CFAP44: variants seen among roughly 807,000 people sequenced by gnomAD.
The protein encoded by CFAP44 is cilia and flagella associated protein 44.
In CFAP44, 134 loss-of-function variants were observed where a neutral mutation model predicts 216.2. That is an observed-to-expected ratio of 0.62 (90% CI 0.54 to 0.72). The LOEUF (loss-of-function observed/expected upper bound fraction) is 0.72, where lower values mean the gene tolerates loss of function less well. Ranked by LOEUF, CFAP44 falls within the 30% of genes least tolerant of loss-of-function variation. CFAP44 has a pLI of 0.00. For synonymous variants in CFAP44, 700 were observed against 727.6 expected, an observed-to-expected ratio of 0.96 and a Z score of 0.61; for missense variants, 2,035 against 2,182.1, an observed-to-expected ratio of 0.93 and a Z score of 1.34.
At chr3:113,363,045 A>C in intron 21 of CFAP44, 100 bp downstream of exon 21, 1 of 1,404,460 alleles carries the variant, frequency 7.1e-7, no homozygotes, top group Non-Finnish European at 9.3e-7. Flanking sequence ...CAAACAAAAA[A>C]GAAAGATGAT....
In CFAP44 at chr3:113,326,486, T is replaced by C. The variant is rs1950190778; in HGVS notation, c.4475A>G (p.Lys1492Arg). ...TTCTTTTTTCTTTACCCGTTTAATC[T>C]TCTTCTTTAGGACCTTCATGAGGAA... is the stretch of plus-strand genomic sequence containing the variant. ...ANFLMKVLKK[K>R]IKRVKKKEVE... The change falls in exon 28 of 35, where the codon AAG becomes AGG. Residue 1492 changes from lysine to arginine, a missense_variant. Lys to Arg is a conservative substitution (Grantham distance 26). Transcript: ENST00000393845. The C allele has an allele frequency of 6.6e-7, 1 of 1,521,360 alleles. No homozygotes were observed. The highest frequency in any genetic ancestry group is 8.8e-7 in the Non-Finnish European group (1 of 1,142,304). 94.2% of individuals were successfully genotyped at this position (1,521,360 alleles called of 1,614,324 possible). A position where few individuals can be genotyped will look rare whatever the true frequency, so the allele number is the denominator to read the frequency against.
At chr3:113,326,871 A>G (rs1950193535) in intron 27 of CFAP44, among the ~76,000 whole-genome samples, 1 of 152,142 alleles carries the variant, frequency 6.6e-6, no homozygotes, top group African/African-American at 2.4e-5. Context: ...TTTTAGTGCT[A>G]AGCATCCCCC....
chr3:113,439,365 A>G (rs1448689184), intron 1 of CFAP44, among the ~76,000 whole-genome samples: 2 of 152,156 alleles, frequency 1.3e-5, no homozygotes, highest in Non-Finnish European at 2.9e-5. Context: ...CTTGCACAAA[A>G]GCCATCACAA....
At chr3:113,357,123 C>T (rs903128356) in intron 22 of CFAP44, among the ~76,000 whole-genome samples, 1 of 152,088 alleles carries the variant, frequency 6.6e-6, no homozygotes, top group Non-Finnish European at 1.5e-5. Context: ...TGAAAAGGGA[C>T]TGAAAATCAC....
intron 28 of CFAP44, among the ~76,000 whole-genome samples, chr3:113,323,983 G>T (rs1277829247): frequency 6.7e-6 from 1 of 149,056 alleles, no homozygotes; most frequent in Non-Finnish European, 1.5e-5. Flanking sequence ...GGTGGAGGTT[G>T]CAGTGAGCAC....
In CFAP44 at chr3:113,379,299, T is replaced by C. The variant is rs1194639709; in HGVS notation, c.2298+7A>G. 1 of 1,545,994 alleles carries C rather than the reference T, an allele frequency of 6.5e-7. No homozygotes were observed. On this transcript the variant is annotated splice_region_variant and intron_variant, in intron 17 of 34. Coordinates refer to ENST00000393845, the MANE Select transcript of CFAP44 (RefSeq NM_001164496.2). ...ATTGAGGTAAAAATTATTACATTGTTACTTACCAAAGAAACCCAGAACTTC... is the reference window on the plus strand; with the variant it reads ...ATTGAGGTAAAAATTATTACATTGTCACTTACCAAAGAAACCCAGAACTTC...
chr3:113,368,699 C>T lies in CFAP44; in HGVS notation c.2445-2390G>A, dbSNP rs146163928. 5.3e-5 allele frequency among the ~76,000 whole-genome samples: 8 copies of T among 152,246 alleles called. No individual in the cohort carries two copies. In the East Asian group the frequency reaches 1.5e-3, roughly 29 times the overall value. ...TGCATCAATTAACAGGCAAAATAAC[C>T]AGCTAACATCCTAATGACAGGATCA... On this transcript the variant is annotated intron_variant, in intron 18 of 34. Coordinates refer to ENST00000393845, the MANE Select transcript of CFAP44 (RefSeq NM_001164496.2).
Position 113,395,871 on chromosome 3 carries a change from A to C in CFAP44, c.1780-11T>G, listed in dbSNP as rs760217453. 1 of 1,594,676 alleles carries C rather than the reference A, an allele frequency of 6.3e-7. No homozygotes were observed. Among genetic ancestry groups the C allele is most frequent in the Non-Finnish European group, 8.6e-7 (1 of 1,165,408 alleles). ...AGTTTGATCTTTACTCTAAGGAAAAAGAGACACACCGACGAAATATATATT... is the reference window on the plus strand; with the variant it reads ...AGTTTGATCTTTACTCTAAGGAAAACGAGACACACCGACGAAATATATATT... On this transcript the variant is annotated splice_polypyrimidine_tract_variant and intron_variant, in intron 14 of 34. Coordinates refer to ENST00000393845, the MANE Select transcript of CFAP44 (RefSeq NM_001164496.2).
At chr3:113,342,587 G>A (rs1950343196) in intron 23 of CFAP44, among the ~76,000 whole-genome samples, 2 of 150,806 alleles carry the variant, frequency 1.3e-5, no homozygotes, top group Non-Finnish European at 3.0e-5. Context: ...GAGAAAAATC[G>A]AGTAAGTCCA....
In CFAP44 at chr3:113,379,633, T is replaced by C. The variant is rs566597257; in HGVS notation, c.2053-82A>G. 1.5e-4 allele frequency: 170 copies of C among 1,119,264 alleles called. 1 individual carries two copies. In the African/African-American group the frequency reaches 2.2e-3, roughly 14 times the overall value. The allele number at this position is 1,119,264 out of a possible 1,614,324, so 69.3% of individuals were successfully genotyped here. ...ACACCATTAGGGATGACAATGAAAA[T>C]AGAAAGAAGATACACAGCTCTGTAA... On this transcript the variant is annotated intron_variant, in intron 16 of 34. Transcript: ENST00000393845.
At chr3:113,351,155 T>A (rs1950441430) in intron 22 of CFAP44, among the ~76,000 whole-genome samples, 1 of 152,172 alleles carries the variant, frequency 6.6e-6, no homozygotes, top group South Asian at 2.1e-4. Context: ...GAAGGAGCCA[T>A]CTATACAAAT....
intron 2 of CFAP44, among the ~76,000 whole-genome samples, chr3:113,428,057 TGC>T (rs895822020): frequency 3.3e-5 from 5 of 152,190 alleles, no homozygotes; most frequent in African/African-American, 1.2e-4. Context: ...GCCAATTAGT[TGC>T]GGAACAGGGC....
chr3:113,385,836 G>T (rs2107343278), intron 15 of CFAP44, among the ~76,000 whole-genome samples: 1 of 151,636 alleles, frequency 6.6e-6, no homozygotes, highest in Non-Finnish European at 1.5e-5. Context: ...TAGAGACAGG[G>T]TTTCACCATG....
rs181001642 is a variant in CFAP44, at chr3:113,308,573, A to G, written c.4517-305T>C. Among the ~76,000 whole-genome samples, 416 of 151,900 alleles carry G rather than the reference A, an allele frequency of 2.7e-3. 3 individuals carry two copies. Among genetic ancestry groups the G allele is most frequent in the African/African-American group, 9.3e-3 (383 of 41,368 alleles). ...TCATAAGATGCTCTAAAATCAGACA[A>G]AAATTTTTTTTTCTTTTTTTTTTCT... On this transcript the variant is annotated intron_variant, in intron 28 of 34. Coordinates refer to ENST00000393845, the MANE Select transcript of CFAP44 (RefSeq NM_001164496.2).
chr3:113,377,040 T>C (rs1423246308), intron 17 of CFAP44, among the ~76,000 whole-genome samples: 1 of 152,084 alleles, frequency 6.6e-6, no homozygotes, highest in East Asian at 1.9e-4. Context: ...GGAATATAGA[T>C]CCCTATAGGG....
intron 5 of CFAP44, among the ~76,000 whole-genome samples, chr3:113,418,695 G>T (rs1316926484): frequency 1.3e-5 from 2 of 151,098 alleles, no homozygotes; most frequent in African/African-American, 2.4e-5. Context: ...ATTAGCTTTT[G>T]TTTTTTTTGT....
chr3:113,355,793 A>AT (rs1487182121), intron 22 of CFAP44, among the ~76,000 whole-genome samples: 9 of 152,000 alleles, frequency 5.9e-5, no homozygotes, highest in Admixed American at 5.9e-4. Context: ...TACAAAAAAA[A>AT]TTTAAGTATA....
intron 28 of CFAP44, among the ~76,000 whole-genome samples, chr3:113,313,923 A>G (rs79015538): frequency 0.029 from 4,392 of 152,316 alleles, 111 homozygotes; most frequent in East Asian, 0.1. Context: ...TAAAAACTCA[A>G]TGAATGAACT....
chr3:113,308,805 C>T (rs1350282260), intron 28 of CFAP44, among the ~76,000 whole-genome samples: 1 of 151,898 alleles, frequency 6.6e-6, no homozygotes, highest in Non-Finnish European at 1.5e-5. Context: ...AGGGTTTCGC[C>T]ATGTTGCCCA....
Sources: gnomAD v4.1 joint callset for allele counts (sites outside exome capture counted in the v4.1 genomes callset) on GRCh38, gnomAD v4.1.1 for gene constraint, MANE v1.5 for transcripts, NCBI Gene and HGNC (gene_info 2026-07-23, HGNC 2026-07-21) for gene names.